CBFA2T2: variants seen among roughly 807,000 people sequenced by gnomAD.
CBFA2T2 encodes protein CBFA2T2.
A neutral mutation model predicts 62.2 loss-of-function variants in CBFA2T2; 11 were observed. That is an observed-to-expected ratio of 0.18 (90% CI 0.11 to 0.29). The LOEUF (loss-of-function observed/expected upper bound fraction) is 0.29. Among genes scored for constraint, CBFA2T2 ranks in the 10% least tolerant of loss-of-function variants. The pLI, the probability that CBFA2T2 is intolerant of heterozygous loss-of-function variation, is 1.00. For synonymous variants in CBFA2T2, 295 were observed against 287.5 expected (o/e 1.03, Z -0.27); for missense variants, 592 against 774.1 (o/e 0.76, Z 2.79).
intron 3 of CBFA2T2, among the ~76,000 whole-genome samples, chr20:33,614,280 A>G (rs1010277054): frequency 6.6e-6 from 1 of 152,112 alleles, no homozygotes. Context: ...ACCTCTTTTA[A>G]GTAGACAGTT....
intron 1 of CBFA2T2, chr20:33,574,240 G>A: frequency 6.2e-7 from 1 of 1,613,450 alleles, no homozygotes; most frequent in Non-Finnish European, 8.5e-7. Flanking sequence ...AGAAATACAG[G>A]TCCTGGCAAG....
intron 1 of CBFA2T2, among the ~76,000 whole-genome samples, chr20:33,579,348 G>A (rs558892552): frequency 2.0e-5 from 3 of 151,892 alleles, no homozygotes; most frequent in East Asian, 1.9e-4. Flanking sequence ...GAATACATAC[G>A]TAAGCCACTG....
intron 8 of CBFA2T2, among the ~76,000 whole-genome samples, chr20:33,630,331 A>T (rs182192064): frequency 4.5e-4 from 68 of 152,320 alleles, no homozygotes; most frequent in African/African-American, 1.5e-3. Context: ...AACTCTTTAC[A>T]TATATGTGTG....
At chr20:33,511,573 G>GA (rs560058078) in intron 1 of CBFA2T2, among the ~76,000 whole-genome samples, 1 of 152,124 alleles carries the variant, frequency 6.6e-6, no homozygotes, top group Non-Finnish European at 1.5e-5. Context: ...AAAAGTAACA[G>GA]AAAAAAGGCT....
At chr20:33,561,305 G>A (rs1445235780) in intron 1 of CBFA2T2, among the ~76,000 whole-genome samples, 1 of 152,118 alleles carries the variant, frequency 6.6e-6, no homozygotes, top group East Asian at 1.9e-4. Flanking sequence ...AAACGCCTGA[G>A]CTCAAGCGAC....
chr20:33,492,908 C>G (rs187498330), intron 1 of CBFA2T2, among the ~76,000 whole-genome samples: 1 of 151,940 alleles, frequency 6.6e-6, no homozygotes, highest in Non-Finnish European at 1.5e-5. Flanking sequence ...CAGGTGCTCA[C>G]CACCATGCCT....
intron 1 of CBFA2T2, among the ~76,000 whole-genome samples, chr20:33,550,360 A>T (rs1312447631): frequency 6.6e-6 from 1 of 152,186 alleles, no homozygotes; most frequent in African/African-American, 2.4e-5. Flanking sequence ...AATTTAATTC[A>T]CCCTTTCAGA....
At chr20:33,498,568 A>G (rs556174830) in intron 1 of CBFA2T2, among the ~76,000 whole-genome samples, 1 of 151,752 alleles carries the variant, frequency 6.6e-6, no homozygotes, top group Admixed American at 6.6e-5. Flanking sequence ...TAGTTTTCTT[A>G]TATACAGAAT....
chr20:33,591,477 A>AAG (rs1568838313), intron 1 of CBFA2T2, among the ~76,000 whole-genome samples: 1 of 134,166 alleles, frequency 7.5e-6, no homozygotes, highest in Non-Finnish European at 1.5e-5. Context: ...CAAAAAAAAA[A>AAG]AAAAAAAAGA....
rs554745649 is a variant in CBFA2T2 at position 33,563,738 on chromosome 20, A to G, written c.35-43218A>G. ...AATTTGTCTGGCACATAGAAAGCAT[A>G]CAAGTTGGTTTCAAGAGTTCTAGAT... On this transcript the variant is annotated intron_variant, in intron 1 of 10. Transcript: ENST00000342704. 7.9e-5 allele frequency among the ~76,000 whole-genome samples: 12 copies of G among 152,252 alleles called. No individual in the cohort carries two copies. The East Asian group carries it at 2.1e-3, about 27-fold the overall frequency.
intron 10 of CBFA2T2, 115 bp from the exon 11 acceptor site, chr20:33,644,232 G>A: frequency 8.8e-7 from 1 of 1,139,378 alleles, no homozygotes; most frequent in Non-Finnish European, 1.3e-6. Context: ...ACAGGTGTAT[G>A]TAGTTCCAAA....
Position 33,521,645 on chromosome 20 carries a change from G to C in CBFA2T2, c.34+31344G>C, listed in dbSNP as rs143036610. ...TACCATCTGTGGGAGCAGGTGGACA[G>C]ATTCTGTGTCATCAGGAAAATACAG... On this transcript the variant is annotated intron_variant, in intron 1 of 10. Transcript: ENST00000342704. Among the ~76,000 whole-genome samples the C allele has an allele frequency of 3.7e-3, 557 of 152,254 alleles. 3 individuals carry two copies. Among genetic ancestry groups the C allele is most frequent in the African/African-American group, 0.013 (534 of 41,556 alleles).
intron 1 of CBFA2T2, among the ~76,000 whole-genome samples, chr20:33,585,791 AG>A (rs1420660076): frequency 6.6e-6 from 1 of 152,248 alleles, no homozygotes; most frequent in Non-Finnish European, 1.5e-5. Flanking sequence ...AAAGCATTAT[AG>A]TCTTAACTGG....
intron 1 of CBFA2T2, among the ~76,000 whole-genome samples, chr20:33,581,195 A>AT (rs948984491): frequency 6.6e-6 from 1 of 151,742 alleles, no homozygotes; most frequent in Non-Finnish European, 1.5e-5. Context: ...TCCTGCTGGG[A>AT]TTACAGGCAC....
intron 1 of CBFA2T2, among the ~76,000 whole-genome samples, chr20:33,602,090 CAT>C (rs1365064421): frequency 4.6e-5 from 7 of 152,164 alleles, no homozygotes; most frequent in Non-Finnish European, 8.8e-5. Context: ...GGATTACAGG[CAT>C]GTGCCATCAT....
chr20:33,527,947 A>G (rs757028461), intron 1 of CBFA2T2, among the ~76,000 whole-genome samples: 3 of 152,014 alleles, frequency 2.0e-5, no homozygotes, highest in Admixed American at 6.6e-5. Flanking sequence ...CTGGTCTCCA[A>G]CTTCTGGGCT....
chr20:33,611,444 C>G, intron 3 of CBFA2T2, 109 bp downstream of exon 3: 1 of 1,259,370 alleles, frequency 7.9e-7, no homozygotes, highest in South Asian at 1.4e-5. Flanking sequence ...GGTCATATGG[C>G]AAATGCTACA....
chr20:33,502,753 T>A (rs1306689616), intron 1 of CBFA2T2, among the ~76,000 whole-genome samples: 3 of 149,444 alleles, frequency 2.0e-5, no homozygotes, highest in Non-Finnish European at 4.5e-5. Flanking sequence ...TTCTCCAAAC[T>A]GTTTCTCTCC....
intron 1 of CBFA2T2, among the ~76,000 whole-genome samples, chr20:33,577,421 T>C (rs192290065): frequency 2.6e-5 from 4 of 152,286 alleles, no homozygotes; most frequent in Admixed American, 2.0e-4. Flanking sequence ...TATTTGACAG[T>C]GGGGCTTTTT....
Sources: allele counts gnomAD v4.1 joint callset (sites outside exome capture counted in the v4.1 genomes callset), GRCh38; gene constraint gnomAD v4.1.1; transcripts MANE v1.5; gene names NCBI Gene and HGNC (gene_info 2026-07-23, HGNC 2026-07-21).